Variants in SPEG observed in about 807,000 individuals in gnomAD.
The protein encoded by SPEG is striated muscle enriched protein kinase.
A neutral mutation model predicts 300.4 loss-of-function variants in SPEG; 114 were observed. The observed-to-expected ratio is 0.38, with a 90% CI of 0.33 to 0.44. SPEG has a LOEUF of 0.44. Ranked by LOEUF, SPEG falls within the 20% of genes least tolerant of loss-of-function variation. The pLI, the probability that SPEG is intolerant of heterozygous loss-of-function variation, is 1.00. For missense variants in SPEG, 4,201 were observed against 4,586.2 expected, an observed-to-expected ratio of 0.92 and a Z score of 2.43; for synonymous variants, 1,964 against 2,018.9, an observed-to-expected ratio of 0.97 and a Z score of 0.73.
chr2:219,463,651 C>T (rs1332128750), intron 8 of SPEG, among the ~76,000 whole-genome samples: 1 of 151,038 alleles, frequency 6.6e-6, no homozygotes, highest in East Asian at 2.0e-4. Context: ...GGTGATCCAC[C>T]CACCTCGGCC....
At position 219,484,917 on chromosome 2, in the gene SPEG, C is replaced by T. The variant is rs1026909949; in HGVS notation, c.7454C>T (p.Thr2485Met). ...TCGGGGGGCGCGTCGGGCCGCAGCA[C>T]GCCGCTGTTCGGACGGCTTCGCAGG... ...EDSGGASGRSTPLFGRLRRAT... is the reference protein window; with the variant it reads ...EDSGGASGRSMPLFGRLRRAT... Residue 2485 changes from threonine (T) to methionine (M), a missense_variant, in exon 30 of 41, where the codon ACG (threonine) becomes ATG (methionine). Physicochemically the swap from Thr to Met is moderately conservative, Grantham distance 81. This residue lies in a region of SPEG where 1,578 missense variants were observed against 1,506.0 expected (regional missense o/e 1.05). Coordinates refer to ENST00000312358, the MANE Select transcript of SPEG (RefSeq NM_005876.5). 13 of 1,526,374 alleles carry T rather than the reference C, an allele frequency of 8.5e-6. No individual in the cohort carries two copies. The highest frequency in any genetic ancestry group is 2.2e-4 in the Middle Eastern group (1 of 4,560). The allele number at this position is 1,526,374 out of a possible 1,614,324, so 94.6% of individuals were successfully genotyped here.
intron 9 of SPEG, chr2:219,466,546 C>G (rs1312701024): frequency 9.4e-7 from 1 of 1,063,434 alleles, no homozygotes; most frequent in Non-Finnish European, 1.1e-6. Context: ...TGACAAAGGC[C>G]TTACCAGGAA....
At position 219,434,870 on chromosome 2, in the gene SPEG, A is replaced by T; in HGVS notation, c.-108A>T. ...CACAGGCCGAAGGCGGGCGGGCAGC[A>T]GGAAGGCAGGCCGCCGGCCCCCCAG... On this transcript the variant is annotated 5_prime_UTR_variant, in exon 1 of 41. Transcript: ENST00000312358. 1 of 706,558 alleles carries T rather than the reference A, an allele frequency of 1.4e-6. No homozygotes were observed. The highest frequency in any genetic ancestry group is 2.2e-6 in the Non-Finnish European group (1 of 462,718). The allele number at this position is 706,558 out of a possible 1,614,324, so 43.8% of individuals were successfully genotyped here.
In SPEG at chr2:219,444,852, C is replaced by T; in HGVS notation, c.506C>T (p.Ser169Phe). 6.3e-7 allele frequency: 1 copy of T among 1,578,176 alleles called. No homozygotes were observed. Among genetic ancestry groups the T allele is most frequent in the South Asian group, 1.2e-5 (1 of 84,170 alleles). ...TGGSDTLVGT[S>F]LDTPPTSVTG... ...GGTTCTGACACCCTGGTGGGCACCT[C>T]CCTGGACACACCCCCGACCTCCGTG... is the stretch of plus-strand genomic sequence containing the variant. Residue 169 changes from serine (S) to phenylalanine (F), a missense_variant, in exon 3 of 41, where the codon TCC becomes TTC. By Grantham distance (155) the Ser-to-Phe change is radical (BLOSUM62 -2). Transcript: ENST00000312358. The surrounding 1 kb of genome is among the most constrained non-coding windows in gnomAD (Gnocchi z 7.8).
intron 1 of SPEG, among the ~76,000 whole-genome samples, chr2:219,442,696 C>G (rs1439799181): frequency 1.3e-5 from 2 of 148,464 alleles, no homozygotes; most frequent in Non-Finnish European, 3.0e-5. Flanking sequence ...CTCCCAGTCA[C>G]TCAAGCACCC....
chr2:219,455,094 AAAATAAAT>A (rs553658522), intron 6 of SPEG, among the ~76,000 whole-genome samples: 3 of 152,166 alleles, frequency 2.0e-5, no homozygotes, highest in Non-Finnish European at 4.4e-5. Flanking sequence ...ACTCTGTCTC[AAAATAAAT>A]AAATAAATAA....
chr2:219,466,249 T>G, intron 9 of SPEG: 1 of 1,434,642 alleles, frequency 7.0e-7, no homozygotes, highest in Admixed American at 2.9e-5. Context: ...TGGGCCCCTG[T>G]GGACCCTCCC....
At chr2:219,442,126 G>T (rs1281496232) in intron 1 of SPEG, 2 of 1,157,404 alleles carry the variant, frequency 1.7e-6, no homozygotes, top group Non-Finnish European at 2.2e-6. Context: ...GGGGCAGGGA[G>T]GCCTGGGCGC....
Position 219,488,908 on chromosome 2 carries a change from T to G in SPEG, c.8149+8T>G, listed in dbSNP as rs1693699040. 6.3e-7 allele frequency: 1 copy of G among 1,582,982 alleles called. No individual in the cohort carries two copies. The highest frequency in any genetic ancestry group is 1.8e-5 in the Admixed American group (1 of 54,638). ...TGGAGCGGCGAGTGGATGGTGAGGA[T>G]GGGGCAGCTGGAGGGTTGGGGGAGC... On this transcript the variant is annotated splice_region_variant and intron_variant, in intron 34 of 40. Coordinates refer to ENST00000312358, the MANE Select transcript of SPEG (RefSeq NM_005876.5).
intron 13 of SPEG, among the ~76,000 whole-genome samples, chr2:219,469,878 G>A (rs1341361626): frequency 2.0e-5 from 3 of 152,134 alleles, no homozygotes; most frequent in African/African-American, 7.2e-5. Flanking sequence ...GGCATGGAAG[G>A]GATGCTCTGT....
rs1689552759 is a variant in SPEG at position 219,449,214 on chromosome 2, C to G, written c.2056C>G (p.Arg686Gly). The G allele has an allele frequency of 7.2e-7, 1 of 1,391,202 alleles. No individual in the cohort carries two copies. Among genetic ancestry groups the G allele is most frequent in the South Asian group, 1.7e-5 (1 of 60,432 alleles). The allele number at this position is 1,391,202 out of a possible 1,614,324, so 86.2% of individuals were successfully genotyped here. A position where few individuals can be genotyped will look rare whatever the true frequency, so the allele number is the denominator to read the frequency against. ...CGGTCCCTGGGGGCCCTGGGACCGC[C>G]GAGGGGCCCGCAGCCAGGGCAAAGG... The part of the protein sequence containing the change: ...EDGPWGPWDR[R>G]GARSQGKGRR... Residue 686 changes from arginine to glycine, a missense_variant, in exon 4 of 41, where the codon CGA (arginine) becomes GGA (glycine). Around this residue, in one of 4 missense-constraint regions of SPEG, gnomAD observed 1,258 missense variants for 1,293.9 expected, o/e 0.97. Transcript: ENST00000312358.
Position 219,489,162 on chromosome 2 carries a change from G to A in SPEG, c.8258G>A (p.Arg2753His), listed in dbSNP as rs200964950. Residue 2753 changes from arginine to histidine, a missense_variant, in exon 35 of 41, where the codon CGT (arginine) becomes CAT (histidine). Physicochemically the swap from Arg to His is conservative, Grantham distance 29. Coordinates refer to ENST00000312358, the MANE Select transcript of SPEG (RefSeq NM_005876.5). ...TVRFRVACANRAGQGPFSNSS... is the reference protein window; with the variant it reads ...TVRFRVACANHAGQGPFSNSS... The stretch of plus-strand genomic sequence containing the variant: ...AGGTTCCGTGTGGCCTGTGCCAACC[G>A]TGCTGGGCAGGGGCCCTTCAGCAAC... 9.9e-6 allele frequency: 16 copies of A among 1,613,898 alleles called. No homozygotes were observed. The highest frequency in any genetic ancestry group is 4.4e-5 in the South Asian group (4 of 91,094).
chr2:219,472,870 A>G lies in SPEG; in HGVS notation c.3941-20A>G, dbSNP rs752603525. The G allele has an allele frequency of 2.6e-6, 4 of 1,556,444 alleles. No individual in the cohort carries two copies. The African/African-American group carries it at 5.4e-5, about 21-fold the overall frequency. On this transcript the variant is annotated intron_variant, in intron 15 of 40. Transcript: ENST00000312358. ...TACTGCTCCTGCAACAGCAGCCTCTAGTAGCTCCTCTCCCGCCAGACCCGG... is the reference window on the plus strand; with the variant it reads ...TACTGCTCCTGCAACAGCAGCCTCTGGTAGCTCCTCTCCCGCCAGACCCGG...
At chr2:219,440,370 A>G (rs1954828984) in intron 1 of SPEG, among the ~76,000 whole-genome samples, 1 of 152,108 alleles carries the variant, frequency 6.6e-6, no homozygotes, top group Non-Finnish European at 1.5e-5. Context: ...CCTGGACAAC[A>G]GAGTGAGACC....
chr2:219,449,307 C>A, intron 4 of SPEG, 36 bp downstream of exon 4: 1 of 1,347,406 alleles, frequency 7.4e-7, no homozygotes, highest in Non-Finnish European at 9.6e-7. Flanking sequence ...GGTGCCTGAA[C>A]CCCCGTCGGG....
In SPEG at chr2:219,451,568, G is replaced by T; in HGVS notation, c.2258-57G>T. 7.0e-7 allele frequency: 1 copy of T among 1,438,112 alleles called. No individual in the cohort carries two copies. The highest frequency in any genetic ancestry group is 2.6e-5 in the Admixed American group (1 of 39,148). The allele number at this position is 1,438,112 out of a possible 1,614,324, so 89.1% of individuals were successfully genotyped here. On this transcript the variant is annotated intron_variant, in intron 5 of 40. Coordinates refer to ENST00000312358, the MANE Select transcript of SPEG (RefSeq NM_005876.5). The surrounding 1 kb of genome is among the most constrained non-coding windows in gnomAD (Gnocchi z 6.4). ...GTGTGGTGTGTGGGGTAGGAGTAGA[G>T]ATTCTCAGTGGGCGCCTGTGGGCCG...
chr2:219,467,038 G>T (rs1205396346), intron 9 of SPEG, 136 bp from the exon 10 acceptor site: 8 of 1,238,658 alleles, frequency 6.5e-6, no homozygotes, highest in Non-Finnish European at 7.6e-6. Context: ...AGGTGGGTGG[G>T]CTTTCCCCAT....
In SPEG at chr2:219,481,802, A is replaced by G. The variant is rs1692871479; in HGVS notation, c.5565+122A>G. On this transcript the variant is annotated intron_variant, in intron 28 of 40. Transcript: ENST00000312358. This position sits in a 1 kb window ranked among gnomAD's most constrained non-coding sequence, Gnocchi z 5.4. ...ACGTTAGGCATTGTATGTACATATG[A>G]CGTATTAGCCTCACAATAGCTTTGC... 4.7e-6 allele frequency: 4 copies of G among 856,864 alleles called. No individual in the cohort carries two copies. Among genetic ancestry groups the G allele is most frequent in the Admixed American group, 3.9e-5 (2 of 51,360 alleles). 53.1% of individuals were successfully genotyped at this position (856,864 alleles called of 1,614,324 possible).
chr2:219,469,389 T>C lies in SPEG; in HGVS notation c.3715+10T>C, dbSNP rs1384010081. On this transcript the variant is annotated intron_variant, in intron 13 of 40. Transcript: ENST00000312358. ...CGGCGCATGACACAGTGTACGTGTC[T>C]GGGAAGTTCCCCGGGAGTGTCCCCT... 1.9e-6 allele frequency: 3 copies of C among 1,606,660 alleles called. No homozygotes were observed. Among genetic ancestry groups the C allele is most frequent in the Non-Finnish European group, 2.6e-6 (3 of 1,174,706 alleles).
Sources: allele counts gnomAD v4.1 joint callset (sites outside exome capture counted in the v4.1 genomes callset), GRCh38; gene constraint gnomAD v4.1.1; regional missense constraint gnomAD v4.1.1; non-coding constraint Gnocchi (gnomAD v3.1); transcripts MANE v1.5; gene names NCBI Gene and HGNC (gene_info 2026-07-23, HGNC 2026-07-21).